SOX6: variants seen among roughly 807,000 people sequenced by gnomAD.
SOX6 encodes the protein transcription factor SOX-6.
In SOX6, 11 loss-of-function variants were observed where a neutral mutation model predicts 97.8. The ratio of observed to expected loss-of-function variants is 0.11; its 90% CI spans 0.07 to 0.19. SOX6 has a LOEUF of 0.19. Among genes scored for constraint, SOX6 ranks in the 10% least tolerant of loss-of-function variants. SOX6 has a pLI of 1.00. For missense variants in SOX6, 810 were observed against 1,039.5 expected, an observed-to-expected ratio of 0.78 and a Z score of 3.04; for synonymous variants, 360 against 371.4, an observed-to-expected ratio of 0.97 and a Z score of 0.35.
intron 1 of SOX6, among the ~76,000 whole-genome samples, chr11:16,445,572 C>T (rs1379330505): frequency 6.6e-6 from 1 of 152,202 alleles, no homozygotes; most frequent in East Asian, 1.9e-4. Flanking sequence ...ACTGTATCAT[C>T]ACTGAAAGAA....
Position 16,226,291 on chromosome 11 carries a change from T to C in SOX6, c.535+8291A>G, listed in dbSNP as rs1317378278. On this transcript the variant is annotated intron_variant, in intron 4 of 15. Transcript: ENST00000683767. ...CAAGGAAAGAAAACACGATTTTCCT[T>C]ATTTGGTTGCTATCACATAATTGTG... 2.6e-5 allele frequency among the ~76,000 whole-genome samples: 4 copies of C among 151,684 alleles called. No individual in the cohort carries two copies. The East Asian group carries it at 7.7e-4, about 29-fold the overall frequency.
intron 3 of SOX6, among the ~76,000 whole-genome samples, chr11:16,237,231 G>A (rs1333976451): frequency 6.6e-6 from 1 of 151,826 alleles, no homozygotes; most frequent in African/African-American, 2.4e-5. Flanking sequence ...ACCACAATTG[G>A]TGCTAAGCAT....
chr11:16,482,869 G>C (rs1203877693), intron 4 of SOX6, among the ~76,000 whole-genome samples: 8 of 152,230 alleles, frequency 5.3e-5, no homozygotes, highest in Non-Finnish European at 1.2e-4. Context: ...AAGTGAAACT[G>C]CCTTTTTGTT....
chr11:16,661,726 T>G (rs1204067686), intron 3 of SOX6, among the ~76,000 whole-genome samples: 2 of 152,080 alleles, frequency 1.3e-5, no homozygotes, highest in Non-Finnish European at 2.9e-5. Flanking sequence ...TTTTTTTACT[T>G]TGTGTAGAGA....
intron 6 of SOX6, among the ~76,000 whole-genome samples, chr11:16,169,457 A>C (rs955802889): frequency 6.6e-6 from 1 of 152,148 alleles, no homozygotes; most frequent in Non-Finnish European, 1.5e-5. Context: ...ATGGCTAATG[A>C]GGATTATAAT....
At chr11:16,436,291 T>G (rs1176306591) in intron 1 of SOX6, among the ~76,000 whole-genome samples, 1 of 152,166 alleles carries the variant, frequency 6.6e-6, no homozygotes, top group East Asian at 1.9e-4. Flanking sequence ...ACATAAAAAC[T>G]TATTTTTCTC....
At chr11:15,996,579 C>T (rs1385554602) in intron 13 of SOX6, among the ~76,000 whole-genome samples, 1 of 152,076 alleles carries the variant, frequency 6.6e-6, no homozygotes, top group Admixed American at 6.6e-5. Flanking sequence ...GGCCACTGCA[C>T]TCCAGCCTGG....
At chr11:16,680,640 C>A (rs1405718982) in intron 3 of SOX6, among the ~76,000 whole-genome samples, 2 of 152,008 alleles carry the variant, frequency 1.3e-5, no homozygotes, top group East Asian at 3.9e-4. Context: ...AGCTAAATGC[C>A]CCAAATAAAA....
intron 6 of SOX6, among the ~76,000 whole-genome samples, chr11:16,177,759 G>C (rs1001870558): frequency 6.6e-6 from 1 of 151,616 alleles, no homozygotes; most frequent in Non-Finnish European, 1.5e-5. Flanking sequence ...AAAAATAGAA[G>C]AGAGACATTT....
Position 16,120,503 on chromosome 11 carries a change from G to C in SOX6, c.778-8580C>G, listed in dbSNP as rs557166091. Among the ~76,000 whole-genome samples, 26 of 151,072 alleles carry C rather than the reference G, an allele frequency of 1.7e-4. No homozygotes were observed. The South Asian group carries it at 5.0e-3, about 29-fold the overall frequency. On this transcript the variant is annotated intron_variant, in intron 6 of 15. Coordinates refer to ENST00000683767, the MANE Select transcript of SOX6 (RefSeq NM_001367873.1). ...TTAAAAGCATCCCTTTACAAACTCA[G>C]GATTGGGACTTCAAAGTCATATGTT...
chr11:16,327,282 G>T (rs1856128751), intron 2 of SOX6, among the ~76,000 whole-genome samples: 1 of 152,070 alleles, frequency 6.6e-6, no homozygotes, highest in Admixed American at 6.6e-5. Flanking sequence ...ATAATGCCTA[G>T]CATATAAGTA....
At chr11:16,365,880 A>G (rs751920375) in intron 1 of SOX6, among the ~76,000 whole-genome samples, 2 of 152,168 alleles carry the variant, frequency 1.3e-5, no homozygotes, top group Non-Finnish European at 2.9e-5. Flanking sequence ...TTTCAGACAC[A>G]GTGCTGCTTC....
At chr11:16,235,888 G>GA (rs1308376072) in intron 3 of SOX6, among the ~76,000 whole-genome samples, 3 of 151,972 alleles carry the variant, frequency 2.0e-5, no homozygotes, top group Admixed American at 6.6e-5. Flanking sequence ...AAGTATTGGT[G>GA]AAAAAACAAT....
In SOX6 at chr11:15,994,832, A is replaced by G. The variant is rs188250939; in HGVS notation, c.1733-5602T>C. Among the ~76,000 whole-genome samples, 195 of 152,304 alleles carry G rather than the reference A, an allele frequency of 1.3e-3. No homozygotes were observed. In the South Asian group the frequency reaches 0.015, roughly 12 times the overall value. On this transcript the variant is annotated intron_variant, in intron 13 of 15. Transcript: ENST00000683767. ...AGCCCTGTCCTCCAATAGATAATAA[A>G]TATAAACTCTGAACAAAATATGAAA... is the stretch of plus-strand genomic sequence containing the variant.
At chr11:16,723,823 C>A (rs923548861) in intron 2 of SOX6, among the ~76,000 whole-genome samples, 1 of 151,958 alleles carries the variant, frequency 6.6e-6, no homozygotes, top group African/African-American at 2.4e-5. Context: ...CTCGATTTTT[C>A]CCCTTTCCCC....
intron 4 of SOX6, among the ~76,000 whole-genome samples, chr11:16,568,349 G>C (rs1018452338): frequency 1.3e-5 from 2 of 152,056 alleles, no homozygotes; most frequent in Admixed American, 6.6e-5. Context: ...AGACACAAAA[G>C]GTTATATATT....
intron 9 of SOX6, among the ~76,000 whole-genome samples, chr11:16,062,034 G>A (rs75344628): frequency 0.011 from 1,611 of 151,736 alleles, 27 homozygotes; most frequent in African/African-American, 0.037. Flanking sequence ...AACAAAAATA[G>A]ACAAATGAGA....
At chr11:16,359,337 C>A (rs1183624431), upstream of SOX6, among the ~76,000 whole-genome samples, 1 of 151,886 alleles carries the variant, frequency 6.6e-6, no homozygotes, top group Non-Finnish European at 1.5e-5. Flanking sequence ...GGAAAAATAT[C>A]TAGTAGGACA....
At chr11:16,032,225 TA>T (rs1358782659) in intron 12 of SOX6, among the ~76,000 whole-genome samples, 1 of 152,102 alleles carries the variant, frequency 6.6e-6, no homozygotes, top group African/African-American at 2.4e-5. Flanking sequence ...TGTGGTGCAG[TA>T]AAAAGTATAG....
Sources: allele counts gnomAD v4.1 joint callset (sites outside exome capture counted in the v4.1 genomes callset), GRCh38; gene constraint gnomAD v4.1.1; transcripts MANE v1.5; gene names NCBI Gene and HGNC (gene_info 2026-07-23, HGNC 2026-07-21).